Variants in GALNT17 observed in about 807,000 individuals in gnomAD.
GALNT17 encodes the protein polypeptide N-acetylgalactosaminyltransferase 17.
A neutral mutation model predicts 63.7 loss-of-function variants in GALNT17; 29 were observed. The observed-to-expected ratio is 0.46, with a 90% CI of 0.34 to 0.62. The LOEUF is 0.62. GALNT17 is among the 20% of genes least tolerant of loss of function. The pLI is 0.01. For synonymous variants in GALNT17, 305 were observed against 318.3 expected (o/e 0.96, Z 0.45); for missense variants, 603 against 799.6 (o/e 0.75, Z 2.97).
chr7:71,232,314 G>A (rs576520780), intron 1 of GALNT17, among the ~76,000 whole-genome samples: 2 of 152,098 alleles, frequency 1.3e-5, no homozygotes, highest in Non-Finnish European at 2.9e-5. Flanking sequence ...ATTTGTGCAG[G>A]GGTGAAAGAT....
At chr7:71,325,498 C>T (rs963923953) in intron 1 of GALNT17, among the ~76,000 whole-genome samples, 7 of 152,160 alleles carry the variant, frequency 4.6e-5, no homozygotes, top group Non-Finnish European at 1.0e-4. Context: ...GTGCCTCCAT[C>T]GTGTGTACCA....
intron 1 of GALNT17, among the ~76,000 whole-genome samples, chr7:71,194,413 G>A (rs992824680): frequency 2.6e-5 from 4 of 152,166 alleles, no homozygotes; most frequent in African/African-American, 9.7e-5. Context: ...GGGATCTTAA[G>A]AAAAGGGTAG....
intron 5 of GALNT17, among the ~76,000 whole-genome samples, chr7:71,469,248 G>T (rs1368751072): frequency 6.6e-6 from 1 of 152,154 alleles, no homozygotes; most frequent in East Asian, 1.9e-4. Flanking sequence ...GAAAGTTCTG[G>T]AGTCCCAAAG....
At chr7:71,150,516 CTT>C (rs1039115599) in intron 1 of GALNT17, among the ~76,000 whole-genome samples, 19 of 141,378 alleles carry the variant, frequency 1.3e-4, no homozygotes, top group Admixed American at 1.4e-4. Flanking sequence ...TTTTCTTTTT[CTT>C]TTTTTTTTTT....
chr7:71,302,404 C>T (rs1352766201), intron 1 of GALNT17, among the ~76,000 whole-genome samples: 4 of 152,156 alleles, frequency 2.6e-5, no homozygotes, highest in Non-Finnish European at 5.9e-5. Context: ...GCTGTCCAGG[C>T]TCAAGTGCAC....
At chr7:71,315,847 G>A (rs1390223772) in intron 1 of GALNT17, among the ~76,000 whole-genome samples, 1 of 152,120 alleles carries the variant, frequency 6.6e-6, no homozygotes, top group African/African-American at 2.4e-5. Flanking sequence ...CTTTCTCAGA[G>A]GTGGAGGATA....
chr7:71,156,236 C>T (rs1414690068), intron 1 of GALNT17, among the ~76,000 whole-genome samples: 2 of 151,628 alleles, frequency 1.3e-5, no homozygotes, highest in African/African-American at 4.9e-5. Context: ...GGACACACAT[C>T]GTGCCTGTAG....
At chr7:71,562,444 T>C (rs1256373358) in intron 5 of GALNT17, among the ~76,000 whole-genome samples, 1 of 152,154 alleles carries the variant, frequency 6.6e-6, no homozygotes, top group Non-Finnish European at 1.5e-5. Flanking sequence ...GTAGAATCAG[T>C]GGGAGCCCTG....
At chr7:71,362,043 G>T (rs1430928547) in intron 2 of GALNT17, among the ~76,000 whole-genome samples, 1 of 152,092 alleles carries the variant, frequency 6.6e-6, no homozygotes, top group African/African-American at 2.4e-5. Flanking sequence ...TGCAACCTCT[G>T]CCTCTTGGGT....
chr7:71,478,623 T>C (rs555909191), intron 5 of GALNT17, among the ~76,000 whole-genome samples: 1 of 152,248 alleles, frequency 6.6e-6, no homozygotes, highest in South Asian at 2.1e-4. Context: ...GCCTGAGTCC[T>C]GCCTTTCCAA....
intron 5 of GALNT17, among the ~76,000 whole-genome samples, chr7:71,426,041 C>G (rs1446424264): frequency 6.6e-6 from 1 of 152,192 alleles, no homozygotes; most frequent in Non-Finnish European, 1.5e-5. Context: ...AGAACTCTAT[C>G]ATGAGAACAG....
At chr7:71,461,165 G>A (rs1393996352) in intron 5 of GALNT17, among the ~76,000 whole-genome samples, 1 of 152,180 alleles carries the variant, frequency 6.6e-6, no homozygotes, top group African/African-American at 2.4e-5. Context: ...AGCCATTGAA[G>A]AATATTTCAG....
intron 9 of GALNT17, among the ~76,000 whole-genome samples, chr7:71,701,843 G>GTATATATA (rs748494176): frequency 5.2e-4 from 15 of 28,658 alleles, no homozygotes; most frequent in African/African-American, 9.3e-4. Flanking sequence ...ATATATATGT[G>GTATATATA]TATATATATA....
At chr7:71,415,012 T>A (rs1793499690) in intron 3 of GALNT17, among the ~76,000 whole-genome samples, 1 of 152,152 alleles carries the variant, frequency 6.6e-6, no homozygotes, top group Non-Finnish European at 1.5e-5. Flanking sequence ...TTTAGTTTTA[T>A]TTATTCTTAA....
chr7:71,621,544 T>TGGA lies in GALNT17; in HGVS notation c.1081-43867_1081-43866insGGA, dbSNP rs1219584683. 7.6e-4 allele frequency among the ~76,000 whole-genome samples: 103 copies of TGGA among 135,134 alleles called. 2 individuals are homozygous for TGGA. Among genetic ancestry groups the TGGA allele is most frequent in the Non-Finnish European group, 1.1e-3 (68 of 61,492 alleles). 88.7% of individuals were successfully genotyped at this position (135,134 alleles called of 152,430 possible). ...ATGGATGGATGGATGGATTGATGGATTGATGGATAGATGGATGGATGGATG... is the reference window on the plus strand; with the variant it reads ...ATGGATGGATGGATGGATTGATGGATGGATGATGGATAGATGGATGGATGGATG... On this transcript the variant is annotated intron_variant, in intron 6 of 10. Coordinates refer to ENST00000333538, the MANE Select transcript of GALNT17 (RefSeq NM_022479.3).
intron 1 of GALNT17, among the ~76,000 whole-genome samples, chr7:71,173,430 T>A (rs1788580022): frequency 6.6e-6 from 1 of 152,204 alleles, no homozygotes. Context: ...TTATGACTTT[T>A]AATATTAGTT....
At chr7:71,246,824 GTC>G (rs2116480489) in intron 1 of GALNT17, among the ~76,000 whole-genome samples, 1 of 124,014 alleles carries the variant, frequency 8.1e-6, no homozygotes, top group South Asian at 2.8e-4. Context: ...GCGAGACTCC[GTC>G]TCAAAAAAAA....
chr7:71,373,420 C>A, intron 2 of GALNT17, among the ~76,000 whole-genome samples: 1 of 152,074 alleles, frequency 6.6e-6, no homozygotes, highest in East Asian at 1.9e-4. Flanking sequence ...TCTTGGTGAC[C>A]ATGCCTCTTG....
chr7:71,267,883 C>T (rs898242416), intron 1 of GALNT17, among the ~76,000 whole-genome samples: 11 of 151,384 alleles, frequency 7.3e-5, no homozygotes, highest in African/African-American at 2.2e-4. Context: ...CCAGCAGGCC[C>T]CAGTGTGTGT....
Sources: gnomAD v4.1 joint callset for allele counts (sites outside exome capture counted in the v4.1 genomes callset) on GRCh38, gnomAD v4.1.1 for gene constraint, MANE v1.5 for transcripts, NCBI Gene and HGNC (gene_info 2026-07-23, HGNC 2026-07-21) for gene names.